SPMIP7: variants seen among roughly 807,000 people sequenced by gnomAD.
SPMIP7 encodes protein SPMIP7.
At chr7:50,151,261 C>A in the SPMIP7 span, among the ~76,000 whole-genome samples, 2 of 152,144 alleles carry the variant, frequency 1.3e-5, no homozygotes, top group Non-Finnish European at 2.9e-5. Context: ...AGTACCTGTG[C>A]ATCAGCACGC....
chr7:50,136,124 T>C, the SPMIP7 span: 4 of 1,551,318 alleles, frequency 2.6e-6, no homozygotes, highest in African/African-American at 5.5e-5. Flanking sequence ...GGGACAGATT[T>C]CAAACAAGAT....
the SPMIP7 span, among the ~76,000 whole-genome samples, chr7:50,144,997 C>T: frequency 2.0e-5 from 3 of 151,880 alleles, no homozygotes; most frequent in African/African-American, 7.3e-5. Context: ...CACGGTGGCT[C>T]ACACCTGTAG....
the SPMIP7 span, among the ~76,000 whole-genome samples, chr7:50,109,924 G>A: frequency 1.3e-5 from 2 of 151,978 alleles, no homozygotes; most frequent in Non-Finnish European, 2.9e-5. Context: ...CTCAAATTTA[G>A]AACACTATTA....
the SPMIP7 span, chr7:50,134,183 C>T: frequency 4.6e-5 from 72 of 1,550,444 alleles, no homozygotes; most frequent in Admixed American, 2.2e-4. Flanking sequence ...TGGAAAAAAC[C>T]GCTGACCCCA....
chr7:50,145,895 A>T, the SPMIP7 span, among the ~76,000 whole-genome samples: 1 of 150,910 alleles, frequency 6.6e-6, no homozygotes, highest in Non-Finnish European at 1.5e-5. Flanking sequence ...TCTTTTATCT[A>T]AGGACGTTAC....
chr7:50,135,055 C>G, the SPMIP7 span, among the ~76,000 whole-genome samples: 3 of 152,144 alleles, frequency 2.0e-5, no homozygotes, highest in African/African-American at 7.2e-5. Flanking sequence ...GAGCTTCTCT[C>G]AAGTCCTCAA....
At chr7:50,096,124 T>C in the SPMIP7 span, 1 of 1,528,502 alleles carries the variant, frequency 6.5e-7, no homozygotes, top group South Asian at 1.2e-5. Flanking sequence ...GAAAGATAAG[T>C]ATCTCTAAAA....
chr7:50,136,508 T>G, the SPMIP7 span, among the ~76,000 whole-genome samples: 1 of 152,184 alleles, frequency 6.6e-6, no homozygotes, highest in Admixed American at 6.6e-5. Flanking sequence ...CCAGCCTGGG[T>G]GATGAGCGAG....
the SPMIP7 span, among the ~76,000 whole-genome samples, chr7:50,116,390 T>C: frequency 1.3e-5 from 2 of 152,212 alleles, no homozygotes; most frequent in African/African-American, 4.8e-5. Context: ...GTTAAACTAC[T>C]ATGATAAAAA....
chr7:50,156,926 G>A, the SPMIP7 span, among the ~76,000 whole-genome samples: 13 of 151,936 alleles, frequency 8.6e-5, no homozygotes, highest in Admixed American at 2.6e-4. Flanking sequence ...CTAATCTCCC[G>A]TGCCTCCTGC....
the SPMIP7 span, among the ~76,000 whole-genome samples, chr7:50,115,850 A>T: frequency 1.3e-5 from 2 of 152,194 alleles, no homozygotes; most frequent in Non-Finnish European, 2.9e-5. Context: ...GATGTCTGTG[A>T]AAAGGTAAAT....
At chr7:50,156,414 C>T in the SPMIP7 span, among the ~76,000 whole-genome samples, 1 of 152,020 alleles carries the variant, frequency 6.6e-6, no homozygotes, top group Non-Finnish European at 1.5e-5. Context: ...CCCCTGGGAA[C>T]TCCTGAATAT....
the SPMIP7 span, among the ~76,000 whole-genome samples, chr7:50,109,360 T>G: frequency 2.3e-5 from 1 of 43,322 alleles, no homozygotes; most frequent in Non-Finnish European, 5.1e-5. Flanking sequence ...TTAACACAGT[T>G]TAATTTATTT....
the SPMIP7 span, among the ~76,000 whole-genome samples, chr7:50,112,914 A>G: frequency 0.78 from 116,938 of 150,346 alleles, 45,610 homozygotes; most frequent in East Asian, 0.88. Flanking sequence ...GAGATATGCA[A>G]AAGAGATCGC....
At chr7:50,146,675 C>T in the SPMIP7 span, among the ~76,000 whole-genome samples, 4 of 152,148 alleles carry the variant, frequency 2.6e-5, no homozygotes, top group African/African-American at 4.8e-5. Flanking sequence ...CTGTCTTTTC[C>T]CCTCCAGCCA....
the SPMIP7 span, among the ~76,000 whole-genome samples, chr7:50,149,224 T>C: frequency 5.3e-5 from 8 of 152,180 alleles, no homozygotes; most frequent in African/African-American, 9.6e-5. Flanking sequence ...TGCAGCACCA[T>C]TGGGAACCTC....
At chr7:50,125,237 TAC>T in the SPMIP7 span, among the ~76,000 whole-genome samples, 13 of 86,196 alleles carry the variant, frequency 1.5e-4, 1 homozygote, top group African/African-American at 2.2e-4. Flanking sequence ...CACATATATA[TAC>T]ACATATATAC....
At chr7:50,128,431 G>A in the SPMIP7 span, among the ~76,000 whole-genome samples, 6 of 151,830 alleles carry the variant, frequency 4.0e-5, no homozygotes, top group South Asian at 1.2e-3. Context: ...ACAATAATCT[G>A]TTGCACATTT....
chr7:50,097,703 C>T, the SPMIP7 span, among the ~76,000 whole-genome samples: 14 of 142,796 alleles, frequency 9.8e-5, no homozygotes, highest in Non-Finnish European at 2.0e-4. Context: ...AAAAAACTCA[C>T]CTAAGAGTGA....
Sources: allele counts gnomAD v4.1 joint callset (sites outside exome capture counted in the v4.1 genomes callset), GRCh38; gene constraint gnomAD v4.1.1; transcripts MANE v1.5; gene names NCBI Gene and HGNC (gene_info 2026-07-23, HGNC 2026-07-21).